The following PPM1L variants were observed in gnomAD, a reference collection of about 807,000 sequenced individuals.
PPM1L encodes the protein protein phosphatase, Mg2+/Mn2+ dependent 1L, also known as protein phosphatase 1L.
In PPM1L, 13 loss-of-function variants were observed where a neutral mutation model predicts 31.4. The ratio of observed to expected loss-of-function variants is 0.41; its 90% CI spans 0.27 to 0.66. The LOEUF (loss-of-function observed/expected upper bound fraction) is 0.66, where lower values mean the gene tolerates loss of function less well. PPM1L is among the 30% of genes least tolerant of loss of function. PPM1L has a pLI of 0.29. For synonymous variants in PPM1L, 184 were observed against 175.4 expected, an observed-to-expected ratio of 1.05 and a Z score of -0.39; for missense variants, 326 against 453.7, an observed-to-expected ratio of 0.72 and a Z score of 2.56.
intron 1 of PPM1L, among the ~76,000 whole-genome samples, chr3:160,923,596 A>C (rs1714491463): frequency 6.6e-6 from 1 of 152,228 alleles, no homozygotes; most frequent in Non-Finnish European, 1.5e-5. Flanking sequence ...AAATCACGTC[A>C]CATCAAAGAA....
chr3:160,885,824 G>A (rs149885581), intron 1 of PPM1L, among the ~76,000 whole-genome samples: 24 of 152,346 alleles, frequency 1.6e-4, no homozygotes, highest in African/African-American at 5.8e-4. Context: ...GCTTAAGCCT[G>A]CGGAGCTCCC....
intron 1 of PPM1L, among the ~76,000 whole-genome samples, chr3:160,779,553 C>T (rs907380379): frequency 1.3e-5 from 2 of 152,084 alleles, no homozygotes; most frequent in Non-Finnish European, 2.9e-5. Flanking sequence ...GACAGGGTCT[C>T]ATTCTGTTGC....
chr3:160,979,470 A>G (rs1266979164), intron 2 of PPM1L, among the ~76,000 whole-genome samples: 1 of 152,088 alleles, frequency 6.6e-6, no homozygotes, highest in Non-Finnish European at 1.5e-5. Flanking sequence ...TCACACAGAC[A>G]TGGGAGAACA....
chr3:160,803,846 C>T (rs1320969194), intron 1 of PPM1L, among the ~76,000 whole-genome samples: 2 of 152,164 alleles, frequency 1.3e-5, no homozygotes, highest in African/African-American at 4.8e-5. Context: ...TTTGAGTTTA[C>T]GTAGTATTTA....
At chr3:160,808,288 T>C (rs1466580872) in intron 1 of PPM1L, among the ~76,000 whole-genome samples, 2 of 139,924 alleles carry the variant, frequency 1.4e-5, no homozygotes, top group African/African-American at 6.3e-5. Context: ...AGGATTTTCC[T>C]CTGTGTGTGT....
intron 1 of PPM1L, among the ~76,000 whole-genome samples, chr3:160,918,984 T>C (rs76869338): frequency 0.024 from 3,619 of 152,288 alleles, 119 homozygotes; most frequent in African/African-American, 0.067. Flanking sequence ...TAAAGTGCAG[T>C]ACCAGGAATA....
chr3:160,977,064 G>T (rs971584224), intron 2 of PPM1L, among the ~76,000 whole-genome samples: 1 of 152,042 alleles, frequency 6.6e-6, no homozygotes, highest in Non-Finnish European at 1.5e-5. Flanking sequence ...AGAGATTCTG[G>T]TATGTTGTGT....
intron 1 of PPM1L, among the ~76,000 whole-genome samples, chr3:160,881,764 T>C (rs1712727100): frequency 6.6e-6 from 1 of 152,136 alleles, no homozygotes; most frequent in Non-Finnish European, 1.5e-5. Flanking sequence ...AAGAGGTATG[T>C]ATTCCGGCCG....
At chr3:160,935,964 C>A (rs1714957249) in intron 1 of PPM1L, among the ~76,000 whole-genome samples, 1 of 152,170 alleles carries the variant, frequency 6.6e-6, no homozygotes, top group Admixed American at 6.5e-5. Context: ...AGAAGAAACA[C>A]ATCTGGAGAT....
intron 1 of PPM1L, among the ~76,000 whole-genome samples, chr3:160,949,907 G>T (rs765815374): frequency 6.6e-6 from 1 of 152,178 alleles, no homozygotes; most frequent in Admixed American, 6.5e-5. Context: ...AAAACTATAT[G>T]TATGCAGTAG....
chr3:160,811,529 CT>C (rs1712804480), intron 1 of PPM1L, among the ~76,000 whole-genome samples: 1 of 152,230 alleles, frequency 6.6e-6, no homozygotes, highest in South Asian at 2.1e-4. Context: ...AAAATATTCT[CT>C]ATCTGGCTCT....
At chr3:160,829,810 G>T (rs923034972) in intron 1 of PPM1L, among the ~76,000 whole-genome samples, 1 of 152,086 alleles carries the variant, frequency 6.6e-6, no homozygotes. Context: ...TGGGAGGTGG[G>T]GGATGAATAC....
chr3:160,784,742 A>G (rs1473004364), intron 1 of PPM1L, among the ~76,000 whole-genome samples: 1 of 152,210 alleles, frequency 6.6e-6, no homozygotes, highest in Non-Finnish European at 1.5e-5. Context: ...ATTTATCTCA[A>G]CATTCCTTAT....
intron 1 of PPM1L, among the ~76,000 whole-genome samples, chr3:160,878,394 T>G (rs1712589506): frequency 6.6e-6 from 1 of 152,208 alleles, no homozygotes; most frequent in Non-Finnish European, 1.5e-5. Context: ...AAAATCAAAG[T>G]GCTGGCTTAT....
At chr3:160,769,776 C>T (rs1461132080) in intron 1 of PPM1L, among the ~76,000 whole-genome samples, 1 of 151,914 alleles carries the variant, frequency 6.6e-6, no homozygotes, top group Non-Finnish European at 1.5e-5. Context: ...GATTTTTGTT[C>T]TTTAATTATT....
At chr3:160,898,432 C>G (rs893328839) in intron 1 of PPM1L, among the ~76,000 whole-genome samples, 1 of 152,136 alleles carries the variant, frequency 6.6e-6, no homozygotes, top group Non-Finnish European at 1.5e-5. Flanking sequence ...GTGAGACCTG[C>G]TTAGGGCCCT....
intron 2 of PPM1L, among the ~76,000 whole-genome samples, chr3:161,049,249 G>T (rs1461349608): frequency 3.3e-5 from 5 of 151,658 alleles, no homozygotes; most frequent in Non-Finnish European, 7.4e-5. Flanking sequence ...CTGCGCTCTA[G>T]CCTGGGCAGC....
chr3:160,822,044 G>C (rs1713217181), intron 1 of PPM1L, among the ~76,000 whole-genome samples: 1 of 151,634 alleles, frequency 6.6e-6, no homozygotes, highest in South Asian at 2.1e-4. Context: ...ATACCCTCTA[G>C]GCCTAAAAAG....
intron 1 of PPM1L, among the ~76,000 whole-genome samples, chr3:160,812,316 A>C (rs570554816): frequency 3.1e-4 from 47 of 152,252 alleles, no homozygotes; most frequent in Admixed American, 5.9e-4. Flanking sequence ...TTCCTTTCCT[A>C]AGTTGTCACT....
Sources: allele counts gnomAD v4.1 joint callset (sites outside exome capture counted in the v4.1 genomes callset), GRCh38; gene constraint gnomAD v4.1.1; transcripts MANE v1.5; gene names NCBI Gene and HGNC (gene_info 2026-07-23, HGNC 2026-07-21).